The following ANK3 variants were observed in gnomAD, a reference collection of about 807,000 sequenced individuals.
The protein encoded by ANK3 is ankyrin-3.
In ANK3, 57 loss-of-function variants were observed where a neutral mutation model predicts 370.9. The ratio of observed to expected loss-of-function variants is 0.15; its 90% confidence interval spans 0.12 to 0.19. The LOEUF (loss-of-function observed/expected upper bound fraction) is 0.19. Ranked by LOEUF, ANK3 falls within the 10% of genes least tolerant of loss-of-function variation. The pLI is 1.00. For synonymous variants in ANK3, 1,929 were observed against 1,946.3 expected, an observed-to-expected ratio of 0.99 and a Z score of 0.23; for missense variants, 4,439 against 5,302.1, an observed-to-expected ratio of 0.84 and a Z score of 5.06.
intron 8 of ANK3, among the ~76,000 whole-genome samples, chr10:60,226,537 C>T (rs1356897087): frequency 6.7e-5 from 3 of 44,878 alleles, no homozygotes; most frequent in South Asian, 8.9e-4. Flanking sequence ...AGTATATATA[C>T]ATAGTATATA....
intron 28 of ANK3, among the ~76,000 whole-genome samples, chr10:60,102,992 T>C (rs1265602815): frequency 6.6e-6 from 1 of 152,014 alleles, no homozygotes; most frequent in Non-Finnish European, 1.5e-5. Context: ...CTTGCTGTCG[T>C]CAGGCTGGAG....
chr10:60,113,879 C>T (rs529679570), intron 26 of ANK3, among the ~76,000 whole-genome samples: 14 of 151,532 alleles, frequency 9.2e-5, no homozygotes, highest in East Asian at 5.8e-4. Context: ...AAAAGTAAAA[C>T]GGAGAAAAAT....
intron 8 of ANK3, among the ~76,000 whole-genome samples, chr10:60,232,860 T>C (rs1205158857): frequency 6.6e-6 from 1 of 152,040 alleles, no homozygotes; most frequent in African/African-American, 2.4e-5. Context: ...GTTGAGTAAA[T>C]AAATGCAAGG....
intron 7 of ANK3, among the ~76,000 whole-genome samples, chr10:60,257,743 C>G (rs189636032): frequency 3.9e-5 from 6 of 152,074 alleles, no homozygotes; most frequent in Non-Finnish European, 8.8e-5. Context: ...CCGCCCTTCA[C>G]GTCTGTATAT....
intron 7 of ANK3, among the ~76,000 whole-genome samples, chr10:60,260,249 C>T (rs1456102510): frequency 1.3e-5 from 2 of 152,194 alleles, no homozygotes; most frequent in African/African-American, 4.8e-5. Context: ...CTTCTTATCT[C>T]TAAACCTAGG....
chr10:60,074,387 G>A lies in ANK3; in HGVS notation c.6494C>T (p.Thr2165Ile), dbSNP rs754734548. 1.2e-6 allele frequency: 2 copies of A among 1,613,970 alleles called. No individual in the cohort carries two copies. The highest frequency in any genetic ancestry group is 1.7e-6 in the Non-Finnish European group (2 of 1,179,994). ...EVPIPPVITETRTEVVHVIRS... is the reference protein window; with the variant it reads ...EVPIPPVITEIRTEVVHVIRS... The stretch of plus-strand genomic sequence containing the variant: ...GATAACATGAACCACTTCAGTTCTT[G>A]TTTCTGTAATGACAGGAGGGATGGG... The change falls in exon 37 of 44, where the codon ACA (threonine) becomes ATA (isoleucine). Residue 2165 changes from threonine (T) to isoleucine (I), a missense_variant. Physicochemically the swap from Thr to Ile is moderately conservative, Grantham distance 89. Around this residue, in one of 13 missense-constraint regions of ANK3, gnomAD observed 1,601 missense variants for 1,731.7 expected, o/e 0.92. Coordinates refer to ENST00000280772, the MANE Select transcript of ANK3 (RefSeq NM_020987.5).
chr10:60,649,589 T>G (rs2078760047), intron 1 of ANK3, among the ~76,000 whole-genome samples: 1 of 152,200 alleles, frequency 6.6e-6, no homozygotes, highest in Non-Finnish European at 1.5e-5. Flanking sequence ...AATCTAGAAC[T>G]AGTTCTCCCA....
intron 2 of ANK3, chr10:60,572,358 G>A: frequency 8.9e-7 from 1 of 1,121,292 alleles, no homozygotes; most frequent in Non-Finnish European, 1.2e-6. Context: ...GATTCTAGCA[G>A]CTTCTTAAAA....
chr10:60,131,987 G>A (rs986765139), intron 25 of ANK3, among the ~76,000 whole-genome samples: 1 of 152,106 alleles, frequency 6.6e-6, no homozygotes, highest in Non-Finnish European at 1.5e-5. Context: ...GTGATTTTAC[G>A]TTTTGTGGGG....
chr10:60,264,647 GA>G (rs60388251), intron 5 of ANK3, among the ~76,000 whole-genome samples: 85,492 of 147,162 alleles, frequency 0.58, 25,129 homozygotes, highest in South Asian at 0.69. Flanking sequence ...AAAAAAAAAA[GA>G]AAAAAAAAAA....
Position 60,070,334 on chromosome 10 carries a change from G to C in ANK3, c.10547C>G (p.Pro3516Arg), listed in dbSNP as rs764463584. 1.2e-6 allele frequency: 2 copies of C among 1,614,096 alleles called. No individual in the cohort carries two copies. Among genetic ancestry groups the C allele is most frequent in the Non-Finnish European group, 1.7e-6 (2 of 1,180,016 alleles). The change falls in exon 37 of 44, where the codon CCT becomes CGT. Residue 3516 changes from proline (P) to arginine (R), a missense_variant. By Grantham distance (103) the Pro-to-Arg change is moderately radical. Around this residue, in one of 13 missense-constraint regions of ANK3, gnomAD observed 1,601 missense variants for 1,731.7 expected, o/e 0.92. Transcript: ENST00000280772. This position sits in a 1 kb window ranked among gnomAD's most constrained non-coding sequence, Gnocchi z 5.7. ...EGRHPDRSVF[P>R]DTYFSYKVDE... is the part of the protein sequence containing the mutation. ...TACTTTGTAACTGAAGTAAGTATCA[G>C]GAAACACTGATCTGTCAGGATGTCT...
intron 1 of ANK3, among the ~76,000 whole-genome samples, chr10:60,707,007 A>G (rs1352958424): frequency 1.3e-5 from 2 of 152,182 alleles, no homozygotes; most frequent in African/African-American, 4.8e-5. Context: ...TTCAAACCTA[A>G]TAATAATATA....
intron 1 of ANK3, 118 bp downstream of exon 1, chr10:60,389,307 C>T (rs2062869662): frequency 4.2e-6 from 4 of 953,818 alleles, no homozygotes; most frequent in Admixed American, 2.5e-5. Context: ...AATTTACACA[C>T]CCAATTTACA....
intron 1 of ANK3, among the ~76,000 whole-genome samples, chr10:60,696,442 A>G (rs1166435016): frequency 1.3e-5 from 2 of 151,286 alleles, no homozygotes; most frequent in East Asian, 3.9e-4. Context: ...GGGCAGAGAC[A>G]CAACCAAAAA....
chr10:60,584,556 G>A (rs1262484633), intron 2 of ANK3, among the ~76,000 whole-genome samples: 3 of 152,246 alleles, frequency 2.0e-5, no homozygotes, highest in East Asian at 3.9e-4. Context: ...GTTTGAGGCT[G>A]CAATGAGCTA....
At chr10:60,543,133 T>A (rs1038016175) in intron 2 of ANK3, among the ~76,000 whole-genome samples, 10 of 151,958 alleles carry the variant, frequency 6.6e-5, no homozygotes, top group African/African-American at 2.2e-4. Context: ...CCTTTCACAT[T>A]GACAAATATC....
At position 60,205,795 on chromosome 10, in the gene ANK3, G is replaced by A. The variant is rs374761322; in HGVS notation, c.1290C>T (p.Thr430=). The A allele has an allele frequency of 2.2e-5, 36 of 1,610,790 alleles. No homozygotes were observed. The highest frequency in any genetic ancestry group is 2.7e-5 in the Non-Finnish European group (32 of 1,177,154). Residue 430 remains threonine, a synonymous_variant, in exon 11 of 44, where the codon ACC becomes ACT. Coordinates refer to ENST00000280772, the MANE Select transcript of ANK3 (RefSeq NM_020987.5). The stretch of plus-strand genomic sequence containing the variant: ...CAGAAATCTTAACTCTTCTCACCTC[G>A]GTTACAGCTTGGATGGATGCACCGT... ...LKHGASIQAV[T]ESGLTPIHVA...
intron 2 of ANK3, among the ~76,000 whole-genome samples, chr10:60,606,595 T>C: frequency 6.6e-6 from 1 of 152,216 alleles, no homozygotes; most frequent in African/African-American, 2.4e-5. Context: ...TCATCAACTG[T>C]AAGCCTTTGT....
chr10:60,219,272 C>T (rs1398418839), intron 8 of ANK3, among the ~76,000 whole-genome samples: 3 of 151,948 alleles, frequency 2.0e-5, no homozygotes, highest in African/African-American at 7.3e-5. Flanking sequence ...CTTCTGAAGC[C>T]TACTTCTGTC....
Sources: gnomAD v4.1 joint callset for allele counts (sites outside exome capture counted in the v4.1 genomes callset) on GRCh38, gnomAD v4.1.1 for gene constraint, gnomAD v4.1.1 regional missense constraint, Gnocchi (gnomAD v3.1) non-coding constraint, MANE v1.5 for transcripts, NCBI Gene and HGNC (gene_info 2026-07-23, HGNC 2026-07-21) for gene names.